Variants in ITGB1BP1 observed in about 807,000 individuals in gnomAD.
The protein encoded by ITGB1BP1 is integrin subunit beta 1 binding protein 1, also known as integrin beta-1-binding protein 1.
A neutral mutation model predicts 28.0 loss-of-function variants in ITGB1BP1; 20 were observed. The observed-to-expected ratio is 0.71, with a 90% CI of 0.50 to 1.04. The LOEUF (loss-of-function observed/expected upper bound fraction) is 1.04. ITGB1BP1 is among the 50% of genes least tolerant of loss of function. ITGB1BP1 has a pLI of 0.00. For missense variants in ITGB1BP1, 228 were observed against 242.5 expected (o/e 0.94, Z 0.40); for synonymous variants, 103 against 89.5 (o/e 1.15, Z -0.85).
At position 9,420,037 on chromosome 2, in the gene ITGB1BP1, C is replaced by T. The variant is rs187315793; in HGVS notation, c.-35-1305G>A. The T allele has an allele frequency of 3.5e-5, 34 of 982,770 alleles. No homozygotes were observed. In the Admixed American group the frequency reaches 2.0e-3, roughly 59 times the overall value. 60.9% of individuals were successfully genotyped at this position (982,770 alleles called of 1,614,324 possible). A position where few individuals can be genotyped will look rare whatever the true frequency, so the allele number is the denominator to read the frequency against. On this transcript the variant is annotated intron_variant, in intron 1 of 6. Coordinates refer to ENST00000355346, the MANE Select transcript of ITGB1BP1 (RefSeq NM_004763.5). The stretch of plus-strand genomic sequence containing the variant: ...CTGTCTTCAAAGGTCCCACATACAG[C>T]GGTCTGCACAGAGAGTTTCCTTTCA...
At chr2:9,409,908 G>A (rs538852779) in intron 4 of ITGB1BP1, among the ~76,000 whole-genome samples, 8 of 145,628 alleles carry the variant, frequency 5.5e-5, no homozygotes, top group South Asian at 2.2e-4. Flanking sequence ...GCAATGGCGC[G>A]ATCTCGGCTC....
At chr2:9,408,795 C>A (rs1216644996) in intron 4 of ITGB1BP1, among the ~76,000 whole-genome samples, 2 of 152,232 alleles carry the variant, frequency 1.3e-5, no homozygotes, top group African/African-American at 4.8e-5. Flanking sequence ...TTACAGCCCA[C>A]AACTCTGAGC....
At chr2:9,422,071 A>G (rs767672570) in intron 1 of ITGB1BP1, among the ~76,000 whole-genome samples, 2 of 152,218 alleles carry the variant, frequency 1.3e-5, no homozygotes, top group Non-Finnish European at 2.9e-5. Flanking sequence ...GCACATCCAT[A>G]CAAAGTTTGG....
chr2:9,413,855 T>C (rs995544871), intron 3 of ITGB1BP1, among the ~76,000 whole-genome samples: 1 of 152,188 alleles, frequency 6.6e-6, no homozygotes, highest in South Asian at 2.1e-4. Flanking sequence ...ACCCCATTTC[T>C]TTCCATTTTA....
intron 1 of ITGB1BP1, chr2:9,422,487 G>A: frequency 1.0e-6 from 1 of 985,548 alleles, no homozygotes; most frequent in Non-Finnish European, 1.2e-6. Context: ...ACCTTTCAAG[G>A]CCCGTTTCAG....
chr2:9,413,277 G>A (rs1304027460), intron 3 of ITGB1BP1, among the ~76,000 whole-genome samples: 2 of 152,182 alleles, frequency 1.3e-5, no homozygotes, highest in Non-Finnish European at 2.9e-5. Flanking sequence ...TATATTTCCA[G>A]TTAGCCGCCA....
At chr2:9,410,214 C>T (rs1056723904) in intron 4 of ITGB1BP1, among the ~76,000 whole-genome samples, 3 of 152,054 alleles carry the variant, frequency 2.0e-5, no homozygotes, top group African/African-American at 2.4e-5. Context: ...CCTTTACTTT[C>T]ATAAAGATAT....
intron 1 of ITGB1BP1, chr2:9,423,023 G>A (rs1680087306): frequency 1.7e-5 from 17 of 990,958 alleles, no homozygotes; most frequent in Non-Finnish European, 1.8e-5. Flanking sequence ...ATGTGACAGC[G>A]AAGGGGACAG....
intron 4 of ITGB1BP1, among the ~76,000 whole-genome samples, chr2:9,411,139 T>C (rs1421165502): frequency 6.6e-6 from 1 of 152,244 alleles, no homozygotes; most frequent in Non-Finnish European, 1.5e-5. Flanking sequence ...ATATATCTTA[T>C]ACTTTTGATT....
Position 9,406,968 on chromosome 2 carries a change from G to A in ITGB1BP1, c.532-63C>T, listed in dbSNP as rs139225923. On this transcript the variant is annotated intron_variant, in intron 6 of 6. Coordinates refer to ENST00000355346, the MANE Select transcript of ITGB1BP1 (RefSeq NM_004763.5). Reference sequence around the variant, plus strand: ...TCTGTCTCTTCGTGAACTTAATTTGGCTAGCAGAGGCACACACCTGACCCT... The same window carrying A: ...TCTGTCTCTTCGTGAACTTAATTTGACTAGCAGAGGCACACACCTGACCCT... 4 of 1,235,670 alleles carry A rather than the reference G, an allele frequency of 3.2e-6. No individual in the cohort carries two copies. The East Asian group carries it at 9.3e-5, about 29-fold the overall frequency. The allele number at this position is 1,235,670 out of a possible 1,614,324, so 76.5% of individuals were successfully genotyped here.
intron 1 of ITGB1BP1, chr2:9,423,134 C>G: frequency 5.0e-6 from 5 of 1,008,858 alleles, no homozygotes; most frequent in Non-Finnish European, 5.9e-6. Context: ...TCCGGGGCGA[C>G]AGCGGCTCGG....
At chr2:9,423,530 C>T (rs936278145), upstream of ITGB1BP1, 7 of 1,167,146 alleles carry the variant, frequency 6.0e-6, no homozygotes, top group Non-Finnish European at 6.7e-6. Flanking sequence ...CAAGACTATG[C>T]GCAGGCGCAG....
rs546356376 is a variant in ITGB1BP1 at position 9,404,337 on chromosome 2, T to A, written c.*2497A>T. The stretch of plus-strand genomic sequence containing the variant: ...TCTTGAAATTGAATCTGTCCATCTG[T>A]TTATAATCAAGAACATATCAGAAAT... On this transcript the variant is annotated 3_prime_UTR_variant, in exon 7 of 7. Coordinates refer to ENST00000355346, the MANE Select transcript of ITGB1BP1 (RefSeq NM_004763.5). The A allele has an allele frequency of 7.2e-5, 11 of 152,336 alleles. No homozygotes were observed. Among genetic ancestry groups the A allele is most frequent in the South Asian group, 2.1e-4 (1 of 4,826 alleles). The allele number at this position is 152,336 out of a possible 1,614,324, so 9.4% of individuals were successfully genotyped here.
In ITGB1BP1 at chr2:9,412,270, T is replaced by C; in HGVS notation, c.287A>G (p.Gln96Arg). The C allele has an allele frequency of 6.2e-7, 1 of 1,603,740 alleles. No individual in the cohort carries two copies. The change falls in exon 4 of 7, where the codon CAG (glutamine) becomes CGG (arginine). Residue 96 changes from glutamine (Q) to arginine (R), a missense_variant and splice_region_variant. Transcript: ENST00000355346. ...LDLINYIDVA[Q>R]QDGKLPFVPP... Reference sequence around the variant, plus strand: ...AGTTACGGAATTTTTTTTTTTTACCTGGGCAACGTCTATATAATTTATCAG... The same window carrying C: ...AGTTACGGAATTTTTTTTTTTTACCCGGGCAACGTCTATATAATTTATCAG...
At position 9,406,733 on chromosome 2, in the gene ITGB1BP1, TA is replaced by T. The variant is rs1677436850; in HGVS notation, c.*100del. On this transcript the variant is annotated 3_prime_UTR_variant, in exon 7 of 7. Coordinates refer to ENST00000355346, the MANE Select transcript of ITGB1BP1 (RefSeq NM_004763.5). ...CACAATCCATTTTCTTCAGAAAATCTAGAGCAAGGGATAACTTCATTATTTG... is the reference window on the plus strand; with the variant it reads ...CACAATCCATTTTCTTCAGAAAATCTGAGCAAGGGATAACTTCATTATTTG... The T allele has an allele frequency of 1.2e-6, 1 of 830,174 alleles. No homozygotes were observed. Among genetic ancestry groups the T allele is most frequent in the Non-Finnish European group, 2.1e-6 (1 of 477,490 alleles). The allele number at this position is 830,174 out of a possible 1,614,324, so 51.4% of individuals were successfully genotyped here.
chr2:9,414,073 G>A (rs1678809281), intron 3 of ITGB1BP1, 105 bp downstream of exon 3: 1 of 959,746 alleles, frequency 1.0e-6, no homozygotes, highest in Admixed American at 2.1e-5. Flanking sequence ...GCAAAGGAGA[G>A]GAAGAAAGCC....
Position 9,405,655 on chromosome 2 carries a change from A to G in ITGB1BP1, c.*1179T>C, listed in dbSNP as rs1161197850. The stretch of plus-strand genomic sequence containing the variant: ...TTGTTAACTAGTCATTTGACTGGAA[A>G]AAAATAAAATACTTTTAAATGGACA... On this transcript the variant is annotated 3_prime_UTR_variant, in exon 7 of 7. Coordinates refer to ENST00000355346, the MANE Select transcript of ITGB1BP1 (RefSeq NM_004763.5). 3 of 152,646 alleles carry G rather than the reference A, an allele frequency of 2.0e-5. No individual in the cohort carries two copies. The highest frequency in any genetic ancestry group is 4.4e-5 in the Non-Finnish European group (3 of 68,058). 9.5% of individuals were successfully genotyped at this position (152,646 alleles called of 1,614,324 possible). A position where few individuals can be genotyped will look rare whatever the true frequency, so the allele number is the denominator to read the frequency against.
chr2:9,415,396 A>C lies in ITGB1BP1; in HGVS notation c.73-1140T>G, dbSNP rs545513229. ...CTCCATCTCAAAACAAACAAACAAA[A>C]ACACACACACAAAAAAAAACACAAC... On this transcript the variant is annotated intron_variant, in intron 2 of 6. Coordinates refer to ENST00000355346, the MANE Select transcript of ITGB1BP1 (RefSeq NM_004763.5). The surrounding 1 kb of genome is among the most constrained non-coding windows in gnomAD (Gnocchi z 4.1). 2.9e-4 allele frequency among the ~76,000 whole-genome samples: 43 copies of C among 150,482 alleles called. No individual in the cohort carries two copies. The highest frequency in any genetic ancestry group is 1.0e-3 in the African/African-American group (41 of 40,860).
At chr2:9,419,738 G>C (rs529526668) in intron 1 of ITGB1BP1, among the ~76,000 whole-genome samples, 133 of 152,286 alleles carry the variant, frequency 8.7e-4, no homozygotes, top group African/African-American at 2.8e-3. Flanking sequence ...CAGTTCTACT[G>C]TCATAGCCTC....
Sources: allele counts gnomAD v4.1 joint callset (sites outside exome capture counted in the v4.1 genomes callset), GRCh38; gene constraint gnomAD v4.1.1; non-coding constraint Gnocchi (gnomAD v3.1); transcripts MANE v1.5; gene names NCBI Gene and HGNC (gene_info 2026-07-23, HGNC 2026-07-21).